ANKS1B: variants seen among roughly 807,000 people sequenced by gnomAD.
ANKS1B encodes the protein ankyrin repeat and sterile alpha motif domain-containing protein 1B.
In ANKS1B, 36 loss-of-function variants were observed where a neutral mutation model predicts 148.3. The ratio of observed to expected loss-of-function variants is 0.24; its 90% confidence interval spans 0.19 to 0.32. The LOEUF (loss-of-function observed/expected upper bound fraction) is 0.32. Ranked by LOEUF, ANKS1B falls within the 10% of genes least tolerant of loss-of-function variation. The probability of loss-of-function intolerance (pLI) is 1.00; values close to 1 mark genes in which losing one functional copy is unlikely to be tolerated. For synonymous variants in ANKS1B, 542 were observed against 560.8 expected (o/e 0.97, Z 0.47); for missense variants, 1,157 against 1,542.6 (o/e 0.75, Z 4.19).
chr12:99,490,716 C>T (rs1347341287), intron 10 of ANKS1B, among the ~76,000 whole-genome samples: 1 of 151,956 alleles, frequency 6.6e-6, no homozygotes, highest in Non-Finnish European at 1.5e-5. Flanking sequence ...TTTAAACATA[C>T]AGTGTGACTG....
intron 9 of ANKS1B, among the ~76,000 whole-genome samples, chr12:99,599,045 T>A (rs541355167): frequency 6.6e-6 from 1 of 152,132 alleles, no homozygotes; most frequent in East Asian, 1.9e-4. Flanking sequence ...AAGTCTAGCA[T>A]CTTGAAATTT....
intron 1 of ANKS1B, among the ~76,000 whole-genome samples, chr12:99,900,742 G>A (rs1487137769): frequency 6.6e-6 from 1 of 152,124 alleles, no homozygotes; most frequent in Non-Finnish European, 1.5e-5. Context: ...GGCAGAGCCA[G>A]GATTAGAACC....
chr12:98,950,348 C>G (rs1029307390), intron 17 of ANKS1B, among the ~76,000 whole-genome samples: 5 of 151,984 alleles, frequency 3.3e-5, no homozygotes, highest in Non-Finnish European at 5.9e-5. Flanking sequence ...AATACAAAAA[C>G]TAGCAGGGCA....
At chr12:99,073,642 C>T (rs1181149799) in intron 16 of ANKS1B, among the ~76,000 whole-genome samples, 2 of 152,092 alleles carry the variant, frequency 1.3e-5, no homozygotes, top group African/African-American at 4.8e-5. Flanking sequence ...CTGCTGCAAC[C>T]CTTCCTTCTA....
At chr12:99,489,243 GAA>G (rs34006525) in intron 10 of ANKS1B, among the ~76,000 whole-genome samples, 5,117 of 82,264 alleles carry the variant, frequency 0.062, 99 homozygotes, top group South Asian at 0.12. Flanking sequence ...CTCCATCTCA[GAA>G]AAAAAAAAAA....
intron 11 of ANKS1B, among the ~76,000 whole-genome samples, chr12:99,410,988 C>G (rs951016343): frequency 3.9e-5 from 6 of 152,202 alleles, no homozygotes; most frequent in Non-Finnish European, 7.3e-5. Context: ...GACCTTGACC[C>G]TTCCCCACAC....
At chr12:99,276,747 T>C (rs990446190) in intron 12 of ANKS1B, among the ~76,000 whole-genome samples, 1 of 152,190 alleles carries the variant, frequency 6.6e-6, no homozygotes, top group South Asian at 2.1e-4. Context: ...AATCAGACAT[T>C]TAAAAAACAT....
intron 9 of ANKS1B, among the ~76,000 whole-genome samples, chr12:99,606,124 G>A (rs2173790): frequency 0.72 from 109,169 of 151,766 alleles, 39,746 homozygotes; most frequent in African/African-American, 0.82. Flanking sequence ...TTGGCCATTT[G>A]TATGTCTTCC....
rs570315084 is a variant in ANKS1B, at chr12:98,808,447, T to C, written c.3067-529A>G. Among the ~76,000 whole-genome samples, 11 of 152,264 alleles carry C rather than the reference T, an allele frequency of 7.2e-5. No homozygotes were observed. In the East Asian group the frequency reaches 1.5e-3, roughly 21 times the overall value. Reference sequence around the variant, plus strand: ...AGTTCTTACGGGCAAAACTCGGTAGTTAACAAAGGAAGACGTGTCAGCTTG... The same window carrying C: ...AGTTCTTACGGGCAAAACTCGGTAGCTAACAAAGGAAGACGTGTCAGCTTG... On this transcript the variant is annotated intron_variant, in intron 19 of 26. Transcript: ENST00000683438.
intron 1 of ANKS1B, among the ~76,000 whole-genome samples, chr12:99,951,712 C>T (rs935833717): frequency 4.5e-5 from 4 of 88,966 alleles, no homozygotes; most frequent in East Asian, 2.0e-4. Context: ...TTGCCTCTAC[C>T]GAAAAAAAAA....
intron 17 of ANKS1B, among the ~76,000 whole-genome samples, chr12:98,969,887 T>C (rs1186684836): frequency 2.6e-5 from 4 of 152,230 alleles, no homozygotes; most frequent in Non-Finnish European, 4.4e-5. Flanking sequence ...CCAGCTTTTC[T>C]GGATTTGTGA....
At chr12:99,497,753 G>A (rs181532314) in intron 10 of ANKS1B, among the ~76,000 whole-genome samples, 12 of 150,080 alleles carry the variant, frequency 8.0e-5, no homozygotes, top group Non-Finnish European at 1.6e-4. Context: ...CTTTCTTTTC[G>A]GGGGCATAAT....
intron 24 of ANKS1B, among the ~76,000 whole-genome samples, chr12:98,776,286 C>T (rs58656554): frequency 1.3e-5 from 2 of 152,282 alleles, no homozygotes; most frequent in East Asian, 1.9e-4. Flanking sequence ...TTATGAGTGG[C>T]TTTTCCACAA....
At chr12:98,885,666 C>A (rs551695265) in intron 17 of ANKS1B, among the ~76,000 whole-genome samples, 8 of 152,124 alleles carry the variant, frequency 5.3e-5, no homozygotes, top group African/African-American at 1.9e-4. Flanking sequence ...CCCTCCACCA[C>A]CCCCCTTGCC....
chr12:99,920,486 C>T (rs1302810764), intron 1 of ANKS1B, among the ~76,000 whole-genome samples: 1 of 133,442 alleles, frequency 7.5e-6, no homozygotes, highest in Non-Finnish European at 1.6e-5. Flanking sequence ...CTCCAGAGGA[C>T]AAAAAAAAAA....
rs193218487 is a variant in ANKS1B, at chr12:98,892,130, G to C, written c.2779-59994C>G. Among the ~76,000 whole-genome samples the C allele has an allele frequency of 3.0e-3, 457 of 152,324 alleles. 4 individuals are homozygous for C. The highest frequency in any genetic ancestry group is 0.01 in the African/African-American group (435 of 41,574). ...ATTACTATGACATATGTTGATGCCA[G>C]CATCTGGTCAGAAATGAGGGCATCA... On this transcript the variant is annotated intron_variant, in intron 17 of 26. Coordinates refer to ENST00000683438, the MANE Select transcript of ANKS1B (RefSeq NM_001352186.2).
chr12:99,402,720 T>C (rs1453025788), intron 11 of ANKS1B, among the ~76,000 whole-genome samples: 1 of 146,468 alleles, frequency 6.8e-6, no homozygotes, highest in Non-Finnish European at 1.5e-5. Context: ...CAGTCTATCA[T>C]TGGTGAGCAT....
chr12:99,608,323 T>C (rs2097866733), intron 9 of ANKS1B, among the ~76,000 whole-genome samples: 1 of 152,056 alleles, frequency 6.6e-6, no homozygotes. Flanking sequence ...CGAAATTCCT[T>C]TGACCAACTT....
At chr12:99,003,492 A>T (rs1399072674) in intron 17 of ANKS1B, among the ~76,000 whole-genome samples, 1 of 152,212 alleles carries the variant, frequency 6.6e-6, no homozygotes, top group African/African-American at 2.4e-5. Flanking sequence ...TATATAGGGC[A>T]TCAGTTCTCA....
Sources: gnomAD v4.1 joint callset for allele counts (sites outside exome capture counted in the v4.1 genomes callset) on GRCh38, gnomAD v4.1.1 for gene constraint, MANE v1.5 for transcripts, NCBI Gene and HGNC (gene_info 2026-07-23, HGNC 2026-07-21) for gene names.